Variants in MAX observed in about 807,000 individuals in gnomAD.
MAX encodes the protein protein max.
MAX carries 3 observed loss-of-function variants against 22.3 expected under a neutral mutation model. The observed-to-expected ratio is 0.13, with a 90% CI of 0.06 to 0.35. The LOEUF (loss-of-function observed/expected upper bound fraction) is 0.35. Among genes scored for constraint, MAX ranks in the 10% least tolerant of loss-of-function variants. The pLI is 1.00. For synonymous variants in MAX, 72 were observed against 77.7 expected, an observed-to-expected ratio of 0.93 and a Z score of 0.39; for missense variants, 119 against 209.4, an observed-to-expected ratio of 0.57 and a Z score of 2.66.
Position 65,032,616 on chromosome 14 carries a change from A to T in MAX, c.172-26332T>A, listed in dbSNP as rs773309833. 8.1e-6 allele frequency: 13 copies of T among 1,613,648 alleles called. No homozygotes were observed. In the East Asian group the frequency reaches 2.5e-4, roughly 30 times the overall value. On this transcript the variant is annotated intron_variant, in intron 3 of 3. Transcript: ENST00000341653. The surrounding 1 kb of genome is among the most constrained non-coding windows in gnomAD (Gnocchi z 5.0). Reference sequence around the variant, plus strand: ...CCCGTTTCTGTCTTTCCAGAAGCGCATACTGTGCTGCCTCCGTAGCCTCGC... The same window carrying T: ...CCCGTTTCTGTCTTTCCAGAAGCGCTTACTGTGCTGCCTCCGTAGCCTCGC...
At chr14:65,101,972 G>A (rs1311055309) in intron 1 of MAX, among the ~76,000 whole-genome samples, 2 of 152,168 alleles carry the variant, frequency 1.3e-5, no homozygotes, top group African/African-American at 4.8e-5. Flanking sequence ...CCCTGGATCC[G>A]GACAATGGGA....
intron 3 of MAX, among the ~76,000 whole-genome samples, chr14:65,045,270 T>C (rs1028536272): frequency 6.6e-6 from 1 of 152,188 alleles, no homozygotes; most frequent in African/African-American, 2.4e-5. Flanking sequence ...GATCTGTTTT[T>C]GGAATGAGAT....
chr14:65,042,175 G>A (rs1236411466), intron 3 of MAX, among the ~76,000 whole-genome samples: 2 of 151,942 alleles, frequency 1.3e-5, no homozygotes, highest in East Asian at 1.9e-4. Flanking sequence ...TAATTTTTCC[G>A]TGGACCTGGG....
At chr14:65,101,013 T>G (rs892007682) in intron 2 of MAX, among the ~76,000 whole-genome samples, 1 of 152,368 alleles carries the variant, frequency 6.6e-6, no homozygotes, top group African/African-American at 2.4e-5. Context: ...TATGTGACAC[T>G]TTGATGATGT....
chr14:65,015,410 CTTTTTTTTTTT>C (rs888923691), intron 3 of MAX: 3 of 155,764 alleles, frequency 1.9e-5, no homozygotes, highest in East Asian at 1.3e-4. Flanking sequence ...GCCTTGTTAT[CTTTTTTTTTTT>C]TTTTTTTTTT....
At chr14:65,013,273 A>G (rs1030532148) in intron 3 of MAX, among the ~76,000 whole-genome samples, 2 of 151,582 alleles carry the variant, frequency 1.3e-5, no homozygotes, top group Admixed American at 6.6e-5. Context: ...TTTCCTGCCC[A>G]TTACTGCCAT....
Position 65,012,413 on chromosome 14 carries a change from T to C in MAX, c.172-6129A>G, listed in dbSNP as rs776357001. 162 of 1,613,728 alleles carry C rather than the reference T, an allele frequency of 1.0e-4. No homozygotes were observed. The highest frequency in any genetic ancestry group is 1.2e-4 in the Non-Finnish European group (147 of 1,179,786). On this transcript the variant is annotated intron_variant, in intron 3 of 3. Coordinates refer to the MAX transcript ENST00000341653. This position sits in a 1 kb window ranked among gnomAD's most constrained non-coding sequence, Gnocchi z 5.0. ...AGGTAAACACATTACCCAGGAACTC[T>C]TGCTGTCAAATTATCCACCAAATCC...
chr14:65,012,289 T>C lies in MAX; in HGVS notation c.172-6005A>G. On this transcript the variant is annotated intron_variant, in intron 3 of 3. Coordinates refer to the MAX transcript ENST00000341653. This position sits in a 1 kb window ranked among gnomAD's most constrained non-coding sequence, Gnocchi z 5.0. ...ATGGTGGAAGCATAAGCTATTAGAA[T>C]GGGCTTATAAACTGTTTGTCTTTCC... 1 of 1,613,646 alleles carries C rather than the reference T, an allele frequency of 6.2e-7. No homozygotes were observed. The highest frequency in any genetic ancestry group is 8.5e-7 in the Non-Finnish European group (1 of 1,179,616).
chr14:65,061,304 A>T (rs757618028), intron 3 of MAX: 2 of 1,613,834 alleles, frequency 1.2e-6, no homozygotes, highest in Non-Finnish European at 1.7e-6. Flanking sequence ...AGAGCCTGCA[A>T]CCGACTAGAG....
chr14:65,035,826 G>A (rs555430451), intron 3 of MAX, among the ~76,000 whole-genome samples: 13 of 151,300 alleles, frequency 8.6e-5, no homozygotes, highest in Admixed American at 4.6e-4. Context: ...GAGCCACTGC[G>A]CCCAGCTTTT....
rs968173036 is a variant in MAX at position 65,027,269 on chromosome 14, A to G, written c.172-20985T>C. ...ACTCAGAGGAGGGCAGACAGAAATG[A>G]TGATAGCTGGAGAGAGAATTAAGCC... On this transcript the variant is annotated intron_variant, in intron 3 of 3. Transcript: ENST00000341653. This position sits in a 1 kb window ranked among gnomAD's most constrained non-coding sequence, Gnocchi z 5.7. 6 of 901,746 alleles carry G rather than the reference A, an allele frequency of 6.7e-6. No individual in the cohort carries two copies. The highest frequency in any genetic ancestry group is 1.7e-5 in the African/African-American group (1 of 59,740). The allele number at this position is 901,746 out of a possible 1,614,324, so 55.9% of individuals were successfully genotyped here.
At chr14:65,096,453 C>G (rs1361003303) in intron 2 of MAX, among the ~76,000 whole-genome samples, 1 of 152,132 alleles carries the variant, frequency 6.6e-6, no homozygotes, top group Non-Finnish European at 1.5e-5. Flanking sequence ...AACAGAAAAA[C>G]CTTTACACAA....
intron 3 of MAX, among the ~76,000 whole-genome samples, chr14:65,045,880 ACAGCAAGTGCACTGT>A (rs1415499443): frequency 6.6e-6 from 1 of 152,242 alleles, no homozygotes; most frequent in Non-Finnish European, 1.5e-5. Context: ...CCCTTGGAAC[ACAGCAAGTGCACTGT>A]CAGCAAGTGC....
chr14:65,052,395 T>C (rs1388342620), intron 3 of MAX, among the ~76,000 whole-genome samples: 3 of 152,238 alleles, frequency 2.0e-5, no homozygotes, highest in Non-Finnish European at 2.9e-5. Flanking sequence ...AAAAATGATT[T>C]ATTGTCAGGC....
intron 3 of MAX, among the ~76,000 whole-genome samples, chr14:65,059,321 C>A (rs1321842254): frequency 6.6e-6 from 1 of 152,056 alleles, no homozygotes; most frequent in East Asian, 1.9e-4. Context: ...TACCTGGCCC[C>A]CGCACTAGCC....
At chr14:65,038,342 A>G (rs1262819731) in intron 3 of MAX, among the ~76,000 whole-genome samples, 3 of 148,946 alleles carry the variant, frequency 2.0e-5, no homozygotes, top group Admixed American at 6.7e-5. Context: ...CCCAGGAGGC[A>G]GAGGTTGCAG....
At chr14:65,040,921 T>A (rs1289991116) in intron 3 of MAX, 1 of 1,613,262 alleles carries the variant, frequency 6.2e-7, no homozygotes, top group Admixed American at 1.7e-5. Context: ...AGCTTATTAG[T>A]AAGTATCTTT....
intron 3 of MAX, among the ~76,000 whole-genome samples, chr14:65,060,850 G>A (rs2062847698): frequency 7.7e-6 from 1 of 129,108 alleles, no homozygotes; most frequent in Non-Finnish European, 1.6e-5. Context: ...TCCAGCCTGG[G>A]CAACAGAGCA....
chr14:65,011,761 C>G lies in MAX; in HGVS notation c.172-5477G>C, dbSNP rs994636539. On this transcript the variant is annotated intron_variant, in intron 3 of 3. Transcript: ENST00000341653. This position sits in a 1 kb window ranked among gnomAD's most constrained non-coding sequence, Gnocchi z 4.0. ...AAGGACAGCGACTGGCTGCAGAACACGGTCCTCTGGCCAGGGCTGTGGGTC... is the reference window on the plus strand; with the variant it reads ...AAGGACAGCGACTGGCTGCAGAACAGGGTCCTCTGGCCAGGGCTGTGGGTC... 6.6e-6 allele frequency among the ~76,000 whole-genome samples: 1 copy of G among 152,180 alleles called. No homozygotes were observed. The highest frequency in any genetic ancestry group is 1.5e-5 in the Non-Finnish European group (1 of 68,032).
Sources: gnomAD v4.1 joint callset for allele counts (sites outside exome capture counted in the v4.1 genomes callset) on GRCh38, gnomAD v4.1.1 for gene constraint, Gnocchi (gnomAD v3.1) non-coding constraint, MANE v1.5 for transcripts, NCBI Gene and HGNC (gene_info 2026-07-23, HGNC 2026-07-21) for gene names.